Variants in WWOX observed in about 807,000 individuals in gnomAD.
WWOX encodes the protein WW domain-containing oxidoreductase.
Under a neutral mutation model 46.2 loss-of-function variants are expected in WWOX, and 69 were observed. That is an observed-to-expected ratio of 1.49 (90% CI 1.23 to 1.82). The LOEUF is 1.82. Ranked by LOEUF, WWOX falls within the 40% of genes most tolerant of loss-of-function variation. The probability of loss-of-function intolerance (pLI) is 0.00; values close to 1 mark genes in which losing one functional copy is unlikely to be tolerated. For missense variants in WWOX, 919 were observed against 542.6 expected (o/e 1.69, Z -6.89); for synonymous variants, 359 against 202.6 (o/e 1.77, Z -6.56).
chr16:79,137,141 A>G (rs2049997506), intron 8 of WWOX, among the ~76,000 whole-genome samples: 1 of 152,166 alleles, frequency 6.6e-6, no homozygotes, highest in Admixed American at 6.5e-5. Context: ...AATGTTATGG[A>G]TCTCTGTAGC....
At position 78,989,275 on chromosome 16, in the gene WWOX, C is replaced by T. The variant is rs371862407; in HGVS notation, c.1057-222333C>T. 5.9e-5 allele frequency among the ~76,000 whole-genome samples: 9 copies of T among 152,046 alleles called. No individual in the cohort carries two copies. In the East Asian group the frequency reaches 1.2e-3, roughly 20 times the overall value. ...TAAGAATTCTAATTCAATTAGAAGG[C>T]CTTCTTTTTAGTTTGATTAGTTCAA... is the stretch of plus-strand genomic sequence containing the variant. On this transcript the variant is annotated intron_variant, in intron 8 of 8. Coordinates refer to ENST00000566780, the MANE Select transcript of WWOX (RefSeq NM_016373.4).
At chr16:78,858,172 A>G (rs533879610) in intron 8 of WWOX, among the ~76,000 whole-genome samples, 13 of 61,264 alleles carry the variant, frequency 2.1e-4, no homozygotes, top group East Asian at 2.1e-3. Context: ...GTGTGTGTGT[A>G]TAAATTGGCT....
intron 8 of WWOX, among the ~76,000 whole-genome samples, chr16:78,672,496 G>T (rs996854511): frequency 1.3e-5 from 2 of 152,178 alleles, no homozygotes; most frequent in Non-Finnish European, 2.9e-5. Flanking sequence ...GGCATGCACA[G>T]GTATCCTGAT....
intron 8 of WWOX, among the ~76,000 whole-genome samples, chr16:79,172,849 A>G (rs1209613108): frequency 7.7e-6 from 1 of 129,752 alleles, no homozygotes; most frequent in Non-Finnish European, 1.6e-5. Context: ...AATATAGACT[A>G]CCTGCAAAAA....
At chr16:78,915,840 A>G (rs764307607) in intron 8 of WWOX, among the ~76,000 whole-genome samples, 117 of 152,296 alleles carry the variant, frequency 7.7e-4, no homozygotes, top group Admixed American at 2.3e-3. Flanking sequence ...TTTAATCTTG[A>G]TCACCACAGC....
rs1237805517 is a variant in WWOX, at chr16:78,825,328, C to T, written c.1057-386280C>T. On this transcript the variant is annotated intron_variant, in intron 8 of 8. Transcript: ENST00000566780. ...AGAGGATGTTGGTCGCTGATGGCAT[C>T]TTCAAAGCTGAACGGAATCAGTTTC... 8 of 311,844 alleles carry T rather than the reference C, an allele frequency of 2.6e-5. No homozygotes were observed. In the Admixed American group the frequency reaches 2.6e-4, roughly 10 times the overall value. The allele number at this position is 311,844 out of a possible 1,614,324, so 19.3% of individuals were successfully genotyped here. A position where few individuals can be genotyped will look rare whatever the true frequency, so the allele number is the denominator to read the frequency against.
chr16:78,992,216 G>A (rs986140905), intron 8 of WWOX, among the ~76,000 whole-genome samples: 1 of 152,158 alleles, frequency 6.6e-6, no homozygotes. Flanking sequence ...TATTCTTCTA[G>A]GCTTTGTGGA....
intron 8 of WWOX, among the ~76,000 whole-genome samples, chr16:78,833,015 C>T (rs1597691529): frequency 1.3e-5 from 2 of 149,564 alleles, no homozygotes; most frequent in South Asian, 2.1e-4. Flanking sequence ...AGTGGCCAGG[C>T]TCAGCCTTTT....
intron 5 of WWOX, among the ~76,000 whole-genome samples, chr16:78,183,582 C>T (rs1290903172): frequency 7.9e-5 from 12 of 152,148 alleles, no homozygotes; most frequent in Admixed American, 5.2e-4. Context: ...ATCCCCGAAC[C>T]GTAGGATGCT....
At chr16:78,405,006 TG>T (rs1307503212) in intron 6 of WWOX, among the ~76,000 whole-genome samples, 1 of 152,208 alleles carries the variant, frequency 6.6e-6, no homozygotes, top group Non-Finnish European at 1.5e-5. Flanking sequence ...GGAGAGCATG[TG>T]GATGTACTTC....
chr16:78,909,123 G>T (rs577502475), intron 8 of WWOX, among the ~76,000 whole-genome samples: 1 of 152,300 alleles, frequency 6.6e-6, no homozygotes, highest in Admixed American at 6.5e-5. Flanking sequence ...AGACAGCCTG[G>T]AGGTTAGAAG....
At chr16:78,862,487 C>T (rs1272025984) in intron 8 of WWOX, among the ~76,000 whole-genome samples, 2 of 151,812 alleles carry the variant, frequency 1.3e-5, no homozygotes, top group African/African-American at 4.8e-5. Flanking sequence ...AGTGCATACA[C>T]ACACACATTT....
At position 78,105,129 on chromosome 16, in the gene WWOX, T is replaced by C. The variant is rs184030701; in HGVS notation, c.108-3294T>C. Among the ~76,000 whole-genome samples, 115 of 152,334 alleles carry C rather than the reference T, an allele frequency of 7.5e-4. 2 individuals are homozygous for C. In the East Asian group the frequency reaches 0.02, roughly 26 times the overall value. On this transcript the variant is annotated intron_variant, in intron 1 of 8. Transcript: ENST00000566780. ...ATGGGACTGGGGTATTGGCATCTGA[T>C]GGGCAGAGGCCAGTGGTGCCCAAGG...
intron 8 of WWOX, among the ~76,000 whole-genome samples, chr16:79,081,668 G>C (rs1231455807): frequency 1.3e-5 from 2 of 152,114 alleles, no homozygotes; most frequent in African/African-American, 4.8e-5. Flanking sequence ...CGTATCAATG[G>C]ATTGAAATTC....
In WWOX at chr16:79,212,587, T is replaced by C. The variant is rs983038198; in HGVS notation, c.*791T>C. Reference sequence around the variant, plus strand: ...CTTTGTCTGTCAATCACAGTCTCAGTTCTCTTGCTTTCACATTGTACTTAA... The same window carrying C: ...CTTTGTCTGTCAATCACAGTCTCAGCTCTCTTGCTTTCACATTGTACTTAA... On this transcript the variant is annotated 3_prime_UTR_variant, in exon 9 of 9. Coordinates refer to ENST00000566780, the MANE Select transcript of WWOX (RefSeq NM_016373.4). 3 of 161,456 alleles carry C rather than the reference T, an allele frequency of 1.9e-5. No homozygotes were observed. The highest frequency in any genetic ancestry group is 7.2e-5 in the African/African-American group (3 of 41,576). The allele number at this position is 161,456 out of a possible 1,614,324, so 10.0% of individuals were successfully genotyped here.
At chr16:78,633,318 C>T (rs1170169474) in intron 8 of WWOX, among the ~76,000 whole-genome samples, 1 of 152,156 alleles carries the variant, frequency 6.6e-6, no homozygotes, top group Non-Finnish European at 1.5e-5. Flanking sequence ...TAAGTATCTT[C>T]TATGGGGCTA....
At chr16:79,038,301 C>G (rs1043930254) in intron 8 of WWOX, among the ~76,000 whole-genome samples, 1 of 151,996 alleles carries the variant, frequency 6.6e-6, no homozygotes, top group African/African-American at 2.4e-5. Flanking sequence ...AAGGGCGTTT[C>G]AAAGTATAAA....
chr16:79,141,578 C>G (rs928810734), intron 8 of WWOX, among the ~76,000 whole-genome samples: 1 of 152,202 alleles, frequency 6.6e-6, no homozygotes, highest in Non-Finnish European at 1.5e-5. Context: ...TGTAGAAGGT[C>G]GAGTTCTCCA....
chr16:78,604,373 G>C (rs1333308647), intron 8 of WWOX, among the ~76,000 whole-genome samples: 1 of 152,018 alleles, frequency 6.6e-6, no homozygotes, highest in South Asian at 2.1e-4. Flanking sequence ...CTGTACATGG[G>C]CCCTCGTTTA....
Sources: allele counts gnomAD v4.1 joint callset (sites outside exome capture counted in the v4.1 genomes callset), GRCh38; gene constraint gnomAD v4.1.1; transcripts MANE v1.5; gene names NCBI Gene and HGNC (gene_info 2026-07-23, HGNC 2026-07-21).